The following CACNA1E variants were observed in gnomAD, a reference collection of about 807,000 sequenced individuals.
The protein encoded by CACNA1E is calcium voltage-gated channel subunit alpha1 E.
Under a neutral mutation model 259.2 loss-of-function variants are expected in CACNA1E, and 40 were observed. The observed-to-expected ratio is 0.15, with a 90% CI of 0.12 to 0.20. The LOEUF (loss-of-function observed/expected upper bound fraction) is 0.20, where lower values mean the gene tolerates loss of function less well. CACNA1E is among the 10% of genes least tolerant of loss of function. The pLI, the probability that CACNA1E is intolerant of heterozygous loss-of-function variation, is 1.00. For missense variants in CACNA1E, 1,874 were observed against 3,040.1 expected, an observed-to-expected ratio of 0.62 and a Z score of 9.02; for synonymous variants, 1,104 against 1,138.5, an observed-to-expected ratio of 0.97 and a Z score of 0.61.
upstream of CACNA1E, among the ~76,000 whole-genome samples, chr1:181,482,329 G>C (rs558805379): frequency 1.3e-5 from 2 of 152,264 alleles, no homozygotes; most frequent in African/African-American, 4.8e-5. Context: ...CTCTCTGCAG[G>C]GACCCAAGAC....
rs1400787040 is a variant in CACNA1E at position 181,785,766 on chromosome 1, C to T, written c.5733C>T (p.Ile1911=). The change falls in exon 43 of 48, where the codon ATC becomes ATT. Residue 1911 remains isoleucine, a synonymous_variant. Transcript: ENST00000367573. ...RMEPSSLPQE[I]IANAKALPYL... ...AGCCTTCATCTCTGCCTCAGGAGAT[C>T]ATTGCTAATGCCAAAGCCCTGCCTT... The T allele has an allele frequency of 1.2e-6, 2 of 1,613,256 alleles. No individual in the cohort carries two copies. Among genetic ancestry groups the T allele is most frequent in the East Asian group, 2.2e-5 (1 of 44,872 alleles).
intron 3 of CACNA1E, among the ~76,000 whole-genome samples, chr1:181,523,758 A>G (rs552191156): frequency 6.6e-5 from 10 of 152,356 alleles, no homozygotes; most frequent in African/African-American, 2.4e-4. Flanking sequence ...TAACTAACCC[A>G]TTGATATGAA....
intron 46 of CACNA1E, among the ~76,000 whole-genome samples, chr1:181,795,533 C>T (rs767810725): frequency 5.3e-5 from 8 of 149,888 alleles, no homozygotes; most frequent in South Asian, 2.1e-4. Flanking sequence ...CTCTGCCTCC[C>T]GGGTTCACAC....
intron 2 of CACNA1E, among the ~76,000 whole-genome samples, chr1:181,428,307 TTAATTG>T (rs148848123): frequency 0.03 from 4,587 of 152,240 alleles, 250 homozygotes; most frequent in African/African-American, 0.1. Flanking sequence ...GATGGAGTTA[TTAATTG>T]TCAGTCCATG....
At chr1:181,444,524 TC>T (rs1660691653) in intron 2 of CACNA1E, among the ~76,000 whole-genome samples, 1 of 151,978 alleles carries the variant, frequency 6.6e-6, no homozygotes, top group East Asian at 1.9e-4. Context: ...AAGGGAGGAC[TC>T]CCAGGTACTT....
intron 6 of CACNA1E, among the ~76,000 whole-genome samples, chr1:181,628,332 G>A (rs934265017): frequency 6.6e-6 from 1 of 152,170 alleles, no homozygotes; most frequent in African/African-American, 2.4e-5. Context: ...TCTCAAGAAG[G>A]ACTCTGTATA....
intron 28 of CACNA1E, 23 bp from the exon 29 acceptor site, chr1:181,755,933 T>C (rs1172353326): frequency 2.5e-6 from 4 of 1,608,956 alleles, no homozygotes; most frequent in Non-Finnish European, 3.4e-6. Context: ...GGAGGCTCTC[T>C]TTCATTTCTG....
chr1:181,736,397 C>G lies in CACNA1E; in HGVS notation c.3385C>G (p.Pro1129Ala), dbSNP rs753850027. The change falls in exon 22 of 48, where the codon CCC (proline) becomes GCC (alanine). Residue 1129 changes from proline (P) to alanine (A), a missense_variant. Physicochemically the swap from Pro to Ala is conservative, Grantham distance 27. Transcript: ENST00000367573. Reference sequence around the variant, plus strand: ...GCGTGAGACAGGCAAAGCCATGGTGCCCCACAGCTCAATGTTCATCTTCAG... The same window carrying G: ...GCGTGAGACAGGCAAAGCCATGGTGGCCCACAGCTCAATGTTCATCTTCAG... ...EKRETGKAMV[P>A]HSSMFIFSTT... The G allele has an allele frequency of 6.2e-7, 1 of 1,612,616 alleles. No homozygotes were observed. The highest frequency in any genetic ancestry group is 8.5e-7 in the Non-Finnish European group (1 of 1,179,310).
chr1:181,629,660 T>C (rs887636381), intron 6 of CACNA1E, among the ~76,000 whole-genome samples: 1 of 151,958 alleles, frequency 6.6e-6, no homozygotes, highest in South Asian at 2.1e-4. Flanking sequence ...AATATAAGTA[T>C]ATATAAAGAG....
chr1:181,350,094 G>T (rs1429117126), intron 1 of CACNA1E, among the ~76,000 whole-genome samples: 2 of 152,148 alleles, frequency 1.3e-5, no homozygotes, highest in African/African-American at 4.8e-5. Context: ...GTGTTTATTG[G>T]GGGAAATTTA....
chr1:181,694,965 T>C (rs1189319950), intron 7 of CACNA1E, among the ~76,000 whole-genome samples: 1 of 152,166 alleles, frequency 6.6e-6, no homozygotes, highest in African/African-American at 2.4e-5. Flanking sequence ...TGATTATGTA[T>C]TTTGAAAATC....
At chr1:181,751,759 T>C (rs912368855) in intron 26 of CACNA1E, among the ~76,000 whole-genome samples, 3 of 152,316 alleles carry the variant, frequency 2.0e-5, no homozygotes, top group East Asian at 3.9e-4. Flanking sequence ...TCACGTTCCC[T>C]AGTTGATGTG....
At chr1:181,556,492 G>C (rs1291926128) in intron 3 of CACNA1E, among the ~76,000 whole-genome samples, 2 of 152,194 alleles carry the variant, frequency 1.3e-5, no homozygotes, top group South Asian at 2.1e-4. Context: ...CCCTGTGGGA[G>C]GGGGAGGCAG....
intron 7 of CACNA1E, among the ~76,000 whole-genome samples, chr1:181,676,571 A>C (rs897051390): frequency 2.0e-4 from 30 of 152,224 alleles, no homozygotes; most frequent in African/African-American, 7.2e-4. Flanking sequence ...ACAGTAATTA[A>C]TATATGTTGA....
Position 181,771,270 on chromosome 1 carries a change from TTTCTG to T in CACNA1E, c.4882-20_4882-16del. 7.4e-7 allele frequency: 1 copy of T among 1,358,706 alleles called. No individual in the cohort carries two copies. Among genetic ancestry groups the T allele is most frequent in the Non-Finnish European group, 1.0e-6 (1 of 967,924 alleles). The allele number at this position is 1,358,706 out of a possible 1,614,324, so 84.2% of individuals were successfully genotyped here. ...CACACAGCTTGGTAATGCTCACTGT[TTTCTG>T]TTGTTTCTCTCCTCAAGGTATTTGG... On this transcript the variant is annotated intron_variant, in intron 35 of 47. Coordinates refer to ENST00000367573, the MANE Select transcript of CACNA1E (RefSeq NM_001205293.3).
intron 1 of CACNA1E, among the ~76,000 whole-genome samples, chr1:181,340,549 G>A (rs1652073957): frequency 6.6e-6 from 1 of 151,918 alleles, no homozygotes; most frequent in East Asian, 1.9e-4. Context: ...CATGAATGTG[G>A]TATGATTTTC....
At chr1:181,376,712 T>A (rs1655124884) in intron 1 of CACNA1E, among the ~76,000 whole-genome samples, 1 of 152,250 alleles carries the variant, frequency 6.6e-6, no homozygotes, top group Admixed American at 6.5e-5. Context: ...CCTAAGCTGC[T>A]GTCTCCTAGT....
chr1:181,357,868 T>C (rs1653571195), intron 1 of CACNA1E, among the ~76,000 whole-genome samples: 1 of 152,152 alleles, frequency 6.6e-6, no homozygotes, highest in African/African-American at 2.4e-5. Context: ...TGAATGAGGA[T>C]GGCAAGGAGG....
At chr1:181,469,908 A>G (rs912456670) in intron 2 of CACNA1E, among the ~76,000 whole-genome samples, 3 of 152,154 alleles carry the variant, frequency 2.0e-5, no homozygotes, top group African/African-American at 7.2e-5. Context: ...TTTAGCTGTA[A>G]AAGTGTTGAG....
Sources: allele counts gnomAD v4.1 joint callset (sites outside exome capture counted in the v4.1 genomes callset), GRCh38; gene constraint gnomAD v4.1.1; transcripts MANE v1.5; gene names NCBI Gene and HGNC (gene_info 2026-07-23, HGNC 2026-07-21).